GAREM1: variants seen among roughly 807,000 people sequenced by gnomAD.
GAREM1 encodes GRB2-associated and regulator of MAPK protein 1.
GAREM1 carries 26 observed loss-of-function variants against 71.3 expected under a neutral mutation model. That is an observed-to-expected ratio of 0.36 (90% CI 0.27 to 0.51). The LOEUF (loss-of-function observed/expected upper bound fraction) is 0.51, where lower values mean the gene tolerates loss of function less well. Among genes scored for constraint, GAREM1 ranks in the 20% least tolerant of loss-of-function variants. The probability of loss-of-function intolerance (pLI) is 0.95; values close to 1 mark genes in which losing one functional copy is unlikely to be tolerated. For missense variants in GAREM1, 1,026 were observed against 1,103.1 expected (o/e 0.93, Z 0.99); for synonymous variants, 440 against 433.2 (o/e 1.02, Z -0.20).
At chr18:32,276,805 T>C (rs567555094) in intron 4 of GAREM1, among the ~76,000 whole-genome samples, 14 of 152,158 alleles carry the variant, frequency 9.2e-5, no homozygotes, top group East Asian at 5.8e-4. Context: ...GTTCTAATGA[T>C]AGATAGAATC....
chr18:32,293,127 A>G (rs2047103001), intron 3 of GAREM1, among the ~76,000 whole-genome samples: 1 of 151,782 alleles, frequency 6.6e-6, no homozygotes, highest in Admixed American at 6.6e-5. Context: ...ATACACACAG[A>G]CACACATAGA....
chr18:32,385,752 G>A (rs1479772347), intron 2 of GAREM1, among the ~76,000 whole-genome samples: 1 of 152,106 alleles, frequency 6.6e-6, no homozygotes, highest in Admixed American at 6.5e-5. Flanking sequence ...GACGGGGGCA[G>A]GCTCTGAAGC....
At chr18:32,334,473 G>A (rs1056616549) in intron 2 of GAREM1, among the ~76,000 whole-genome samples, 2 of 152,198 alleles carry the variant, frequency 1.3e-5, no homozygotes, top group Admixed American at 6.5e-5. Context: ...ATGGACAAGC[G>A]AAAGCCAGGA....
At chr18:32,325,772 T>C (rs946079923) in intron 2 of GAREM1, among the ~76,000 whole-genome samples, 5 of 152,226 alleles carry the variant, frequency 3.3e-5, no homozygotes, top group Non-Finnish European at 5.9e-5. Flanking sequence ...CCTCGTATCA[T>C]GCAACTTTGG....
intron 1 of GAREM1, among the ~76,000 whole-genome samples, chr18:32,410,453 T>C (rs1039916765): frequency 6.6e-6 from 1 of 152,118 alleles, no homozygotes; most frequent in Admixed American, 6.6e-5. Flanking sequence ...GGCTCAATGA[T>C]TCTCCTGCCT....
chr18:32,353,278 T>A (rs563873138), intron 2 of GAREM1, among the ~76,000 whole-genome samples: 1 of 152,324 alleles, frequency 6.6e-6, no homozygotes, highest in African/African-American at 2.4e-5. Context: ...GGCCATGTGT[T>A]TTCTGAGCAT....
chr18:32,406,444 C>T lies in GAREM1; in HGVS notation c.122-13409G>A, dbSNP rs546872634. Among the ~76,000 whole-genome samples, 13 of 152,200 alleles carry T rather than the reference C, an allele frequency of 8.5e-5. No individual in the cohort carries two copies. The South Asian group carries it at 2.5e-3, about 29-fold the overall frequency. ...TGACATTCTGGTAGTATTTCTCTGT[C>T]CCGATGGACTATAATCAAATGACAT... is the stretch of plus-strand genomic sequence containing the variant. On this transcript the variant is annotated intron_variant, in intron 1 of 5. Transcript: ENST00000269209.
intron 2 of GAREM1, among the ~76,000 whole-genome samples, chr18:32,382,213 G>A (rs1309975043): frequency 6.6e-6 from 1 of 152,182 alleles, no homozygotes; most frequent in Non-Finnish European, 1.5e-5. Context: ...GCCTTTAGTG[G>A]TGGGAAGAGT....
intron 2 of GAREM1, among the ~76,000 whole-genome samples, chr18:32,355,407 CAT>C (rs1015869293): frequency 2.3e-4 from 35 of 151,536 alleles, no homozygotes; most frequent in African/African-American, 7.3e-4. Context: ...CATTTTTACA[CAT>C]GACTATTTTA....
Position 32,470,281 on chromosome 18 carries a change from CT to C in GAREM1, c.121+26del, listed in dbSNP as rs1415696293. 1.3e-6 allele frequency: 2 copies of C among 1,483,500 alleles called. No individual in the cohort carries two copies. Among genetic ancestry groups the C allele is most frequent in the Admixed American group, 4.3e-5 (2 of 46,410 alleles). The allele number at this position is 1,483,500 out of a possible 1,614,324, so 91.9% of individuals were successfully genotyped here. ...CGTGGAGACGGCTGTCCTCGCCCGT[CT>C]GCCCCGCGCCCCAGCTGGGACTCAC... On this transcript the variant is annotated intron_variant, in intron 1 of 5. Coordinates refer to ENST00000269209, the MANE Select transcript of GAREM1 (RefSeq NM_001242409.2). This position sits in a 1 kb window ranked among gnomAD's most constrained non-coding sequence, Gnocchi z 4.4.
intron 4 of GAREM1, among the ~76,000 whole-genome samples, chr18:32,272,569 C>T (rs921227441): frequency 1.3e-5 from 2 of 151,634 alleles, no homozygotes; most frequent in African/African-American, 2.4e-5. Flanking sequence ...TGGATAATCA[C>T]GTGAGAGGAA....
At chr18:32,277,980 G>A (rs574124185) in intron 4 of GAREM1, among the ~76,000 whole-genome samples, 2 of 152,120 alleles carry the variant, frequency 1.3e-5, no homozygotes. Flanking sequence ...CTTCCTAGGG[G>A]TTTATGAAAC....
chr18:32,386,586 G>A (rs2048148907), intron 2 of GAREM1, among the ~76,000 whole-genome samples: 1 of 152,190 alleles, frequency 6.6e-6, no homozygotes, highest in African/African-American at 2.4e-5. Context: ...TATCTCAGAT[G>A]CTTATGTTCA....
At chr18:32,270,895 ATG>A (rs1279606093) in intron 4 of GAREM1, among the ~76,000 whole-genome samples, 58 of 89,252 alleles carry the variant, frequency 6.5e-4, no homozygotes, top group African/African-American at 1.7e-3. Context: ...ATGTTCAGGG[ATG>A]TTTTTTTTTT....
intron 1 of GAREM1, among the ~76,000 whole-genome samples, chr18:32,469,113 T>C (rs1213446641): frequency 6.6e-6 from 1 of 152,046 alleles, no homozygotes; most frequent in East Asian, 1.9e-4. Context: ...TTTCCAGCCT[T>C]CACGAACTTT....
rs140874560 is a variant in GAREM1, at chr18:32,310,279, C to T, written c.307G>A (p.Val103Met). The part of the protein sequence containing the change: ...LEQDRDIKEP[V>M]QYFNSVEEVA... ...TCCTCCACACTGTTGAAATATTGCACTGGCTCCTTTATATCTCGGTCTTGT... is the reference window on the plus strand; with the variant it reads ...TCCTCCACACTGTTGAAATATTGCATTGGCTCCTTTATATCTCGGTCTTGT... The change falls in exon 3 of 6, where the codon GTG (valine) becomes ATG (methionine). Residue 103 changes from valine (V) to methionine (M), a missense_variant. By Grantham distance (21) the Val-to-Met change is conservative. Coordinates refer to ENST00000269209, the MANE Select transcript of GAREM1 (RefSeq NM_001242409.2). The T allele has an allele frequency of 7.2e-5, 117 of 1,614,054 alleles. No individual in the cohort carries two copies. The highest frequency in any genetic ancestry group is 8.8e-5 in the Non-Finnish European group (104 of 1,180,008).
chr18:32,296,970 T>C (rs2047147260), intron 3 of GAREM1, among the ~76,000 whole-genome samples: 1 of 152,172 alleles, frequency 6.6e-6, no homozygotes. Context: ...AAAATATAGA[T>C]CAAAGGTCAG....
intron 2 of GAREM1, among the ~76,000 whole-genome samples, chr18:32,384,288 A>G (rs2048124734): frequency 6.6e-6 from 1 of 152,202 alleles, no homozygotes; most frequent in African/African-American, 2.4e-5. Context: ...TGCCACAAAC[A>G]TTTAACACTG....
chr18:32,455,120 AG>A (rs1158127005), intron 1 of GAREM1, among the ~76,000 whole-genome samples: 2 of 152,222 alleles, frequency 1.3e-5, no homozygotes, highest in Non-Finnish European at 2.9e-5. Flanking sequence ...ACAAAATCTC[AG>A]GGACTAATCT....
Sources: gnomAD v4.1 joint callset for allele counts (sites outside exome capture counted in the v4.1 genomes callset) on GRCh38, gnomAD v4.1.1 for gene constraint, Gnocchi (gnomAD v3.1) non-coding constraint, MANE v1.5 for transcripts, NCBI Gene and HGNC (gene_info 2026-07-23, HGNC 2026-07-21) for gene names.